The following DAB1 variants were observed in gnomAD, a reference collection of about 807,000 sequenced individuals.
DAB1 encodes disabled homolog 1.
A neutral mutation model predicts 64.6 loss-of-function variants in DAB1; 15 were observed. That is an observed-to-expected ratio of 0.23 (90% CI 0.16 to 0.36). The LOEUF (loss-of-function observed/expected upper bound fraction) is 0.36, where lower values mean the gene tolerates loss of function less well. DAB1 is among the 10% of genes least tolerant of loss of function. The probability of loss-of-function intolerance (pLI) is 1.00; values close to 1 mark genes in which losing one functional copy is unlikely to be tolerated. For synonymous variants in DAB1, 235 were observed against 251.9 expected (o/e 0.93, Z 0.64); for missense variants, 596 against 706.7 (o/e 0.84, Z 1.78).
intron 4 of DAB1, among the ~76,000 whole-genome samples, chr1:58,276,369 CTT>C (rs1297245377): frequency 6.6e-6 from 1 of 152,116 alleles, no homozygotes; most frequent in Non-Finnish European, 1.5e-5. Context: ...AATGTGGCCT[CTT>C]TTTCTCTCTG....
At chr1:57,878,820 T>C (rs1644095752) in intron 1 of DAB1, 1 of 152,134 alleles carries the variant, frequency 6.6e-6, no homozygotes, top group African/African-American at 2.4e-5. Flanking sequence ...AATTCACTAT[T>C]CCCTCCTCCC....
intron 4 of DAB1, among the ~76,000 whole-genome samples, chr1:57,115,833 T>C (rs1469854193): frequency 6.6e-6 from 1 of 152,118 alleles, no homozygotes; most frequent in Admixed American, 6.5e-5. Context: ...TTCAAAAGAA[T>C]AGAGTTCTTG....
intron 6 of DAB1, among the ~76,000 whole-genome samples, chr1:57,671,213 T>C (rs1399451935): frequency 1.3e-5 from 2 of 152,158 alleles, no homozygotes; most frequent in African/African-American, 2.4e-5. Flanking sequence ...TTAATCAAAA[T>C]GAGTTTCATA....
Position 58,300,631 on chromosome 1 carries a change from AGAGAGAGAGAGAGAGAGG to A in DAB1, n.309+42703_309+42720del, listed in dbSNP as rs374264338. Among the ~76,000 whole-genome samples the A allele has an allele frequency of 3.6e-3, 228 of 62,950 alleles. 3 individuals carry two copies. Among genetic ancestry groups the A allele is most frequent in the Middle Eastern group, 6.4e-3 (1 of 156 alleles). 41.3% of individuals were successfully genotyped at this position (62,950 alleles called of 152,430 possible). A position where few individuals can be genotyped will look rare whatever the true frequency, so the allele number is the denominator to read the frequency against. On this transcript the variant is annotated intron_variant and non_coding_transcript_variant, in intron 4 of 20. Transcript: ENST00000485760. ...AAGAAAGAGAGAGAGAGAGAGAGAG[AGAGAGAGAGAGAGAGAGG>A]AAGGAAGGAAGGAAGGAAGGAAGGA... is the stretch of plus-strand genomic sequence containing the variant.
Position 57,706,589 on chromosome 1 carries a change from ACAGGTGTAAGCTACCATGCC to A in DAB1, n.552-56944_552-56925del, listed in dbSNP as rs1189335478. Among the ~76,000 whole-genome samples, 4 of 152,096 alleles carry A rather than the reference ACAGGTGTAAGCTACCATGCC, an allele frequency of 2.6e-5. No individual in the cohort carries two copies. The East Asian group carries it at 7.7e-4, about 29-fold the overall frequency. ...CTCAGTCTTCCAAAGTGCTGCAATT[ACAGGTGTAAGCTACCATGCC>A]CAGACTACTCACATGTTTATCAATA... On this transcript the variant is annotated intron_variant and non_coding_transcript_variant, in intron 6 of 20. Coordinates refer to the DAB1 transcript ENST00000485760.
At chr1:57,771,708 C>T (rs1395342003) in intron 6 of DAB1, among the ~76,000 whole-genome samples, 2 of 152,046 alleles carry the variant, frequency 1.3e-5, no homozygotes, top group Non-Finnish European at 2.9e-5. Context: ...ACCTCACTCC[C>T]AAATTCTTCT....
chr1:58,457,569 G>A (rs981947627), intron 3 of DAB1, among the ~76,000 whole-genome samples: 5 of 152,208 alleles, frequency 3.3e-5, no homozygotes, highest in South Asian at 2.1e-4. Context: ...AAGCCAACAC[G>A]GAAGGCAGTT....
chr1:58,120,671 AG>A (rs1167525491), intron 5 of DAB1, among the ~76,000 whole-genome samples: 1 of 152,160 alleles, frequency 6.6e-6, no homozygotes, highest in Non-Finnish European at 1.5e-5. Flanking sequence ...TTCCAACTTT[AG>A]CTGCCTAATA....
chr1:57,087,835 T>C (rs935805166), intron 4 of DAB1, among the ~76,000 whole-genome samples: 2 of 152,226 alleles, frequency 1.3e-5, no homozygotes, highest in African/African-American at 4.8e-5. Context: ...TAGCCACCTA[T>C]CTTTAACCTG....
At chr1:58,511,806 C>T (rs1646081603) in intron 2 of DAB1, among the ~76,000 whole-genome samples, 1 of 152,122 alleles carries the variant, frequency 6.6e-6, no homozygotes, top group South Asian at 2.1e-4. Flanking sequence ...AGACCTAAAA[C>T]TATAAAACTC....
chr1:57,156,931 C>T (rs1285489534), intron 2 of DAB1, among the ~76,000 whole-genome samples: 3 of 152,168 alleles, frequency 2.0e-5, no homozygotes, highest in African/African-American at 7.2e-5. Flanking sequence ...AAGTCTCTGC[C>T]AATGTTGAGG....
Position 57,951,334 on chromosome 1 carries a change from T to C in DAB1, n.388-67172A>G, listed in dbSNP as rs11588611. Among the ~76,000 whole-genome samples the C allele has an allele frequency of 2.0e-3, 125 of 63,864 alleles. 23 individuals carry two copies. Among genetic ancestry groups the C allele is most frequent in the Admixed American group, 0.011 (59 of 5,524 alleles). The allele number at this position is 63,864 out of a possible 152,430, so 41.9% of individuals were successfully genotyped here. ...GCCTGATTCATATATATATATATACTTCCCTGGAAACTTAAATTAGCCCAA... is the reference window on the plus strand; with the variant it reads ...GCCTGATTCATATATATATATATACCTCCCTGGAAACTTAAATTAGCCCAA... On this transcript the variant is annotated intron_variant and non_coding_transcript_variant, in intron 5 of 20. Transcript: ENST00000485760.
At chr1:57,919,825 A>G (rs1319097426) in intron 5 of DAB1, among the ~76,000 whole-genome samples, 1 of 152,166 alleles carries the variant, frequency 6.6e-6, no homozygotes, top group Non-Finnish European at 1.5e-5. Context: ...TGTGAATCTC[A>G]ACATTATGTG....
intron 4 of DAB1, among the ~76,000 whole-genome samples, chr1:58,330,879 T>C (rs1311545987): frequency 2.0e-5 from 3 of 152,200 alleles, no homozygotes; most frequent in East Asian, 1.9e-4. Flanking sequence ...GATGGAGATA[T>C]ACAAAGAGAT....
intron 3 of DAB1, among the ~76,000 whole-genome samples, chr1:58,474,479 A>G (rs1387037572): frequency 6.6e-6 from 1 of 152,058 alleles, no homozygotes; most frequent in African/African-American, 2.4e-5. Flanking sequence ...TGATAAGCTC[A>G]GGTCAAAGCT....
At chr1:57,313,082 T>C (rs1416695642) in intron 1 of DAB1, among the ~76,000 whole-genome samples, 1 of 152,162 alleles carries the variant, frequency 6.6e-6, no homozygotes, top group Non-Finnish European at 1.5e-5. Flanking sequence ...GATGGGGTGC[T>C]AAAATTAAGG....
chr1:58,545,050 A>G (rs1034671119), intron 1 of DAB1, among the ~76,000 whole-genome samples: 1 of 152,106 alleles, frequency 6.6e-6, no homozygotes, highest in Non-Finnish European at 1.5e-5. Context: ...TTGGTTTTCC[A>G]TGGCTTCCAC....
At chr1:57,870,884 C>T (rs1317662735) in intron 1 of DAB1, among the ~76,000 whole-genome samples, 1 of 152,122 alleles carries the variant, frequency 6.6e-6, no homozygotes, top group East Asian at 1.9e-4. Flanking sequence ...AGAGGGTGAT[C>T]CTGATAAAGA....
chr1:57,427,411 G>T (rs1367108172), upstream of DAB1, among the ~76,000 whole-genome samples: 1 of 152,150 alleles, frequency 6.6e-6, no homozygotes, highest in East Asian at 1.9e-4. Context: ...GAGCAAAATG[G>T]AGTTTTATTG....
Sources: gnomAD v4.1 joint callset for allele counts (sites outside exome capture counted in the v4.1 genomes callset) on GRCh38, gnomAD v4.1.1 for gene constraint, MANE v1.5 for transcripts, NCBI Gene and HGNC (gene_info 2026-07-23, HGNC 2026-07-21) for gene names.